PRKN: variants seen among roughly 807,000 people sequenced by gnomAD.
The protein encoded by PRKN is E3 ubiquitin-protein ligase parkin.
A neutral mutation model predicts 59.5 loss-of-function variants in PRKN; 56 were observed. That is an observed-to-expected ratio of 0.94 (90% confidence interval 0.76 to 1.18). PRKN has a LOEUF of 1.18. PRKN is among the 50% of genes most tolerant of loss of function. The probability of loss-of-function intolerance (pLI) is 0.00; values close to 1 mark genes in which losing one functional copy is unlikely to be tolerated. For synonymous variants in PRKN, 250 were observed against 222.1 expected (o/e 1.13, Z -1.12); for missense variants, 657 against 596.4 (o/e 1.10, Z -1.06).
At position 162,561,208 on chromosome 6, in the gene PRKN, G is replaced by C. The variant is rs183687189; in HGVS notation, c.8-117735C>G. On this transcript the variant is annotated intron_variant, in intron 1 of 11. Transcript: ENST00000366898. ...GAGAGCCTTAAGTATTAAGGGGCTT[G>C]GGCTTTATTCTTTGGGCAATGATAT... Among the ~76,000 whole-genome samples, 73 of 152,238 alleles carry C rather than the reference G, an allele frequency of 4.8e-4. 1 individual carries two copies. Among genetic ancestry groups the C allele is most frequent in the Non-Finnish European group, 4.4e-5 (3 of 68,010 alleles).
At chr6:161,687,564 T>C (rs1351288523) in intron 7 of PRKN, among the ~76,000 whole-genome samples, 2 of 148,136 alleles carry the variant, frequency 1.4e-5, no homozygotes, top group Non-Finnish European at 3.0e-5. Flanking sequence ...TCAAGCAATT[T>C]TTCTGCCTCA....
intron 6 of PRKN, among the ~76,000 whole-genome samples, chr6:161,961,208 G>A (rs1196905076): frequency 3.9e-5 from 6 of 152,082 alleles, no homozygotes; most frequent in Non-Finnish European, 8.8e-5. Flanking sequence ...CTTTTGTTCC[G>A]GCTCAGAGAA....
chr6:161,435,350 C>T (rs1334415433), intron 9 of PRKN, among the ~76,000 whole-genome samples: 1 of 152,160 alleles, frequency 6.6e-6, no homozygotes, highest in African/African-American at 2.4e-5. Flanking sequence ...TCTGACGCCT[C>T]CTGCCTGGTT....
intron 7 of PRKN, among the ~76,000 whole-genome samples, chr6:161,717,790 G>A (rs954265655): frequency 5.3e-5 from 8 of 152,144 alleles, no homozygotes; most frequent in African/African-American, 1.7e-4. Flanking sequence ...TGTGTGTCAC[G>A]CCCGCGAGGG....
At chr6:161,807,967 T>C (rs531820397) in intron 6 of PRKN, among the ~76,000 whole-genome samples, 33 of 152,328 alleles carry the variant, frequency 2.2e-4, no homozygotes, top group African/African-American at 7.7e-4. Context: ...TAGTTTTTAA[T>C]TAATTGTGCT....
rs936282453 is a variant in PRKN, at chr6:161,679,856, A to G, written c.871+105916T>C. Among the ~76,000 whole-genome samples, 5 of 141,636 alleles carry G rather than the reference A, an allele frequency of 3.5e-5. No individual in the cohort carries two copies. The East Asian group carries it at 8.7e-4, about 25-fold the overall frequency. 92.9% of individuals were successfully genotyped at this position (141,636 alleles called of 152,430 possible). ...TGCAAGCTCCGCCTCCTGGGTTAAC[A>G]CCATTCTCCTGCCTCAGCCCCCCCA... On this transcript the variant is annotated intron_variant, in intron 7 of 11. Coordinates refer to ENST00000366898, the MANE Select transcript of PRKN (RefSeq NM_004562.3).
intron 1 of PRKN, among the ~76,000 whole-genome samples, chr6:162,568,222 A>T (rs1210374774): frequency 6.6e-6 from 1 of 152,214 alleles, no homozygotes; most frequent in Non-Finnish European, 1.5e-5. Flanking sequence ...AAATTTCTTG[A>T]GCAATACCCC....
chr6:161,676,260 T>C (rs1785083318), intron 7 of PRKN, among the ~76,000 whole-genome samples: 1 of 152,212 alleles, frequency 6.6e-6, no homozygotes, highest in African/African-American at 2.4e-5. Flanking sequence ...CAAGGAGTTC[T>C]TGAGTCTCTT....
intron 9 of PRKN, among the ~76,000 whole-genome samples, chr6:161,387,548 C>G (rs571426554): frequency 6.6e-6 from 1 of 152,194 alleles, no homozygotes; most frequent in African/African-American, 2.4e-5. Context: ...CAAATAAATA[C>G]CCACAGCAAA....
chr6:161,975,210 C>T (rs936518721), intron 5 of PRKN, among the ~76,000 whole-genome samples: 1 of 151,828 alleles, frequency 6.6e-6, no homozygotes, highest in African/African-American at 2.4e-5. Context: ...CTCAGCCTCC[C>T]GAGTAGCTGG....
chr6:162,303,051 C>A (rs1410137756), intron 2 of PRKN, among the ~76,000 whole-genome samples: 1 of 149,162 alleles, frequency 6.7e-6, no homozygotes, highest in Non-Finnish European at 1.5e-5. Flanking sequence ...GGAAACATAA[C>A]CAAACTGTCA....
chr6:162,458,365 G>A (rs2128173272), intron 1 of PRKN, among the ~76,000 whole-genome samples: 1 of 149,872 alleles, frequency 6.7e-6, no homozygotes, highest in Non-Finnish European at 1.5e-5. Context: ...AGCAGAGGTT[G>A]CAGTAAGCCA....
At chr6:162,426,332 C>T (rs1374640822) in intron 2 of PRKN, among the ~76,000 whole-genome samples, 1 of 152,076 alleles carries the variant, frequency 6.6e-6, no homozygotes, top group Non-Finnish European at 1.5e-5. Context: ...CATGACTGTT[C>T]AATCATGGGA....
At chr6:162,394,360 A>G (rs1395690406) in intron 2 of PRKN, among the ~76,000 whole-genome samples, 1 of 152,166 alleles carries the variant, frequency 6.6e-6, no homozygotes, top group African/African-American at 2.4e-5. Flanking sequence ...GTGATACAGA[A>G]ATATGTATGA....
chr6:161,882,391 G>A (rs548782482), intron 6 of PRKN, among the ~76,000 whole-genome samples: 3 of 152,308 alleles, frequency 2.0e-5, no homozygotes, highest in African/African-American at 7.2e-5. Context: ...GGCCCTCCAG[G>A]GAGGGGAGGC....
intron 2 of PRKN, among the ~76,000 whole-genome samples, chr6:162,348,787 A>T (rs1784506711): frequency 6.6e-6 from 1 of 152,174 alleles, no homozygotes; most frequent in South Asian, 2.1e-4. Context: ...TGAAGTAAAA[A>T]GCAAAAAAGA....
chr6:162,631,184 C>T (rs927864509), intron 1 of PRKN, among the ~76,000 whole-genome samples: 2 of 152,112 alleles, frequency 1.3e-5, no homozygotes, highest in Non-Finnish European at 2.9e-5. Context: ...AGAGCAGAGT[C>T]ATCTGTATTA....
chr6:161,355,596 G>A lies in PRKN; in HGVS notation c.1285+4492C>T, dbSNP rs1300783498. On this transcript the variant is annotated intron_variant, in intron 11 of 11. Transcript: ENST00000366898. The surrounding 1 kb of genome is among the most constrained non-coding windows in gnomAD (Gnocchi z 6.8). ...TTTTTTTGTATTTTTACTAGAGACA[G>A]GGTTTCACCATGTTAGTCAGGCTGG... is the stretch of plus-strand genomic sequence containing the variant. 1.3e-5 allele frequency among the ~76,000 whole-genome samples: 2 copies of A among 152,002 alleles called. No individual in the cohort carries two copies. The highest frequency in any genetic ancestry group is 2.9e-5 in the Non-Finnish European group (2 of 68,008).
intron 6 of PRKN, among the ~76,000 whole-genome samples, chr6:161,902,558 T>C (rs56366291): frequency 0.12 from 7,248 of 60,648 alleles, 301 homozygotes; most frequent in Middle Eastern, 0.3. Context: ...ATTTATTTAT[T>C]TATTTATTTT....
Sources: allele counts gnomAD v4.1 joint callset (sites outside exome capture counted in the v4.1 genomes callset), GRCh38; gene constraint gnomAD v4.1.1; non-coding constraint Gnocchi (gnomAD v3.1); transcripts MANE v1.5; gene names NCBI Gene and HGNC (gene_info 2026-07-23, HGNC 2026-07-21).